Variants in QTMAN observed in about 807,000 individuals in gnomAD.
The protein encoded by QTMAN is tRNA-queuosine alpha-mannosyltransferase.
the QTMAN span, among the ~76,000 whole-genome samples, chr2:144,227,561 G>A: frequency 1.3e-5 from 2 of 151,914 alleles, no homozygotes; most frequent in South Asian, 2.1e-4. Context: ...AGGGATTATT[G>A]AGGTTCAACA....
chr2:144,288,226 C>A, the QTMAN span, among the ~76,000 whole-genome samples: 1 of 151,942 alleles, frequency 6.6e-6, no homozygotes, highest in Non-Finnish European at 1.5e-5. Context: ...AATACATCAA[C>A]TTCAGATTAA....
chr2:144,153,969 G>A, the QTMAN span, among the ~76,000 whole-genome samples: 2 of 152,108 alleles, frequency 1.3e-5, no homozygotes, highest in Admixed American at 1.3e-4. Context: ...GTTACTAAGA[G>A]GTAAAGATGA....
At chr2:144,188,953 G>C in the QTMAN span, among the ~76,000 whole-genome samples, 2 of 152,040 alleles carry the variant, frequency 1.3e-5, no homozygotes, top group African/African-American at 2.4e-5. Flanking sequence ...AGCAAAACAA[G>C]AGGAAAGGAA....
chr2:144,289,346 A>G, the QTMAN span, among the ~76,000 whole-genome samples: 4,079 of 152,210 alleles, frequency 0.027, 174 homozygotes, highest in African/African-American at 0.093. Context: ...ATTTTCAGTC[A>G]TATTTCCTGA....
the QTMAN span, among the ~76,000 whole-genome samples, chr2:144,246,596 A>AAAAAAAG: frequency 1.3e-5 from 2 of 150,706 alleles, no homozygotes; most frequent in African/African-American, 2.4e-5. Flanking sequence ...AAAAAAAAAA[A>AAAAAAAG]AAAAAAGAAA....
the QTMAN span, among the ~76,000 whole-genome samples, chr2:144,135,485 T>G: frequency 1.3e-5 from 2 of 152,224 alleles, no homozygotes; most frequent in East Asian, 1.9e-4. Context: ...ATTCCTCCTA[T>G]TCTGCTTCTT....
chr2:144,189,629 T>C, the QTMAN span, among the ~76,000 whole-genome samples: 4 of 152,106 alleles, frequency 2.6e-5, no homozygotes, highest in African/African-American at 7.2e-5. Flanking sequence ...TCTTTTTTTT[T>C]TCTCTGAGAC....
chr2:144,116,110 C>G, the QTMAN span, among the ~76,000 whole-genome samples: 1 of 152,040 alleles, frequency 6.6e-6, no homozygotes, highest in Admixed American at 6.5e-5. Context: ...AAACACAGCT[C>G]TTTACATAAA....
chr2:144,009,512 T>A, the QTMAN span, among the ~76,000 whole-genome samples: 11 of 152,136 alleles, frequency 7.2e-5, no homozygotes, highest in Non-Finnish European at 1.6e-4. Context: ...GGGGCTTCTA[T>A]GTTTGTTTCA....
chr2:144,028,547 A>G, the QTMAN span, among the ~76,000 whole-genome samples: 1 of 152,210 alleles, frequency 6.6e-6, no homozygotes, highest in African/African-American at 2.4e-5. Context: ...CCCAAGCCAC[A>G]TGCAAGAGAA....
the QTMAN span, among the ~76,000 whole-genome samples, chr2:144,140,427 T>C: frequency 9.2e-5 from 14 of 151,990 alleles, no homozygotes; most frequent in African/African-American, 3.4e-4. Flanking sequence ...TTAAAAAAAC[T>C]TAAAACGTCA....
the QTMAN span, among the ~76,000 whole-genome samples, chr2:143,980,189 C>T: frequency 4.6e-5 from 7 of 152,076 alleles, no homozygotes; most frequent in Admixed American, 4.6e-4. Flanking sequence ...CCTCCTCCCC[C>T]ACCAACCCTC....
chr2:144,133,143 ATATATAT>A, the QTMAN span, among the ~76,000 whole-genome samples: 4 of 62,598 alleles, frequency 6.4e-5, no homozygotes, highest in African/African-American at 2.8e-4. Context: ...ATATATATAT[ATATATAT>A]AATATAATAT....
At chr2:144,332,830 G>T in the QTMAN span, among the ~76,000 whole-genome samples, 2 of 152,046 alleles carry the variant, frequency 1.3e-5, no homozygotes, top group South Asian at 2.1e-4. Context: ...CAGCTTTTTC[G>T]TACTCTTTCC....
chr2:144,062,940 G>A, the QTMAN span, among the ~76,000 whole-genome samples: 1 of 152,096 alleles, frequency 6.6e-6, no homozygotes, highest in Non-Finnish European at 1.5e-5. Flanking sequence ...TTCAAGAAGG[G>A]GATGAGAAAG....
chr2:144,009,277 C>T, the QTMAN span, among the ~76,000 whole-genome samples: 1 of 152,070 alleles, frequency 6.6e-6, no homozygotes, highest in African/African-American at 2.4e-5. Flanking sequence ...AGCACTAGGT[C>T]AGTTCATCTA....
chr2:143,954,772 T>A, the QTMAN span, among the ~76,000 whole-genome samples: 8 of 152,100 alleles, frequency 5.3e-5, no homozygotes, highest in Non-Finnish European at 7.4e-5. Context: ...TTATTTTTTT[T>A]AAATTATCTC....
chr2:144,327,070 A>G, the QTMAN span, among the ~76,000 whole-genome samples: 2 of 151,988 alleles, frequency 1.3e-5, no homozygotes, highest in Non-Finnish European at 2.9e-5. Context: ...CCTGCCCCCA[A>G]CCCACAGAGG....
At chr2:144,290,588 G>C in the QTMAN span, among the ~76,000 whole-genome samples, 2 of 152,132 alleles carry the variant, frequency 1.3e-5, no homozygotes, top group Admixed American at 1.3e-4. Flanking sequence ...TGGTTTAGAA[G>C]GCCCTACCCA....
Sources: gnomAD v4.1 joint callset for allele counts (sites outside exome capture counted in the v4.1 genomes callset) on GRCh38, gnomAD v4.1.1 for gene constraint, MANE v1.5 for transcripts, NCBI Gene and HGNC (gene_info 2026-07-23, HGNC 2026-07-21) for gene names.